The following NSUN7 variants were observed in gnomAD, a reference collection of about 807,000 sequenced individuals.
NSUN7 encodes NOP2/Sun RNA methyltransferase family member 7, also known as protein NSUN7.
In NSUN7, 39 loss-of-function variants were observed where a neutral mutation model predicts 58.5. That is an observed-to-expected ratio of 0.67 (90% CI 0.52 to 0.87). NSUN7 has a LOEUF of 0.87. Among genes scored for constraint, NSUN7 ranks in the 40% least tolerant of loss-of-function variants. The probability of loss-of-function intolerance (pLI) is 0.00; values close to 1 mark genes in which losing one functional copy is unlikely to be tolerated. For synonymous variants in NSUN7, 278 were observed against 303.7 expected (o/e 0.92, Z 0.88); for missense variants, 765 against 844.1 (o/e 0.91, Z 1.16).
intron 2 of NSUN7, 86 bp downstream of exon 2, chr4:40,751,077 C>T: frequency 6.9e-7 from 1 of 1,456,776 alleles, no homozygotes; most frequent in East Asian, 2.3e-5. Flanking sequence ...CCTCCCTTCC[C>T]CTCATTCACA....
At chr4:40,777,525 A>G (rs1202105865) in intron 7 of NSUN7, among the ~76,000 whole-genome samples, 1 of 152,090 alleles carries the variant, frequency 6.6e-6, no homozygotes, top group Non-Finnish European at 1.5e-5. Flanking sequence ...CATGTTGGCC[A>G]GGCTGGTCTC....
Position 40,810,992 on chromosome 4 carries a change from C to CAA in NSUN7, c.*2054_*2055dup, listed in dbSNP as rs954625841. The stretch of plus-strand genomic sequence containing the variant: ...TAGCTGGTCTTGAGATTTTTATTTT[C>CAA]AAGTGTATTTTCTGTGATGTTGTCT... On this transcript the variant is annotated 3_prime_UTR_variant, in exon 12 of 12. Coordinates refer to ENST00000381782, the MANE Select transcript of NSUN7 (RefSeq NM_024677.6). 6.6e-6 allele frequency: 1 copy of CAA among 152,116 alleles called. No homozygotes were observed. Among genetic ancestry groups the CAA allele is most frequent in the Non-Finnish European group, 1.5e-5 (1 of 68,022 alleles). 9.4% of individuals were successfully genotyped at this position (152,116 alleles called of 1,614,324 possible).
chr4:40,780,792 C>T (rs200538905), intron 7 of NSUN7, among the ~76,000 whole-genome samples: 75 of 98,752 alleles, frequency 7.6e-4, no homozygotes, highest in African/African-American at 1.8e-3. Flanking sequence ...CACACATACA[C>T]ATATATATAT....
At chr4:40,791,615 G>A (rs1020258769) in intron 8 of NSUN7, among the ~76,000 whole-genome samples, 1 of 152,034 alleles carries the variant, frequency 6.6e-6, no homozygotes, top group East Asian at 1.9e-4. Context: ...TGAAACTTAT[G>A]CTTATCCCTT....
At chr4:40,758,692 A>G (rs959947858) in intron 2 of NSUN7, among the ~76,000 whole-genome samples, 7 of 152,022 alleles carry the variant, frequency 4.6e-5, no homozygotes, top group African/African-American at 1.7e-4. Flanking sequence ...TTTAAAAAAC[A>G]AAAAATAAAA....
chr4:40,769,640 A>G (rs1014486747), intron 4 of NSUN7, among the ~76,000 whole-genome samples: 9 of 152,216 alleles, frequency 5.9e-5, no homozygotes, highest in Non-Finnish European at 1.3e-4. Flanking sequence ...TAAACCAGCC[A>G]TGCATTTTTG....
intron 5 of NSUN7, 120 bp downstream of exon 5, chr4:40,774,537 C>CAA: frequency 1.0e-6 from 1 of 979,450 alleles, no homozygotes; most frequent in Non-Finnish European, 1.5e-6. Context: ...ATTAGGGAAT[C>CAA]AGAGTTAAGT....
intron 5 of NSUN7, 39 bp from the exon 6 acceptor site, chr4:40,774,728 T>A (rs1463988267): frequency 7.9e-7 from 1 of 1,272,848 alleles, no homozygotes; most frequent in East Asian, 2.4e-5. Flanking sequence ...TTTTAATGTA[T>A]TATATTTGTA....
chr4:40,771,157 A>G (rs1560551105), intron 4 of NSUN7, among the ~76,000 whole-genome samples: 2 of 152,232 alleles, frequency 1.3e-5, no homozygotes, highest in Non-Finnish European at 2.9e-5. Flanking sequence ...TTATGGAAGA[A>G]TTGAACATGA....
chr4:40,771,841 A>G (rs1742027744), intron 4 of NSUN7, among the ~76,000 whole-genome samples: 1 of 151,432 alleles, frequency 6.6e-6, no homozygotes, highest in Admixed American at 6.6e-5. Flanking sequence ...GCTCTCTGTG[A>G]TAACATACAA....
rs1226329510 is a variant in NSUN7, at chr4:40,810,682, C to CATG, written c.*1744_*1746dup. On this transcript the variant is annotated 3_prime_UTR_variant, in exon 12 of 12. Coordinates refer to ENST00000381782, the MANE Select transcript of NSUN7 (RefSeq NM_024677.6). ...TTTAAATCCCTGAAGAAGAATTCTT[C>CATG]ATGTTATCACTCTTGTACAGAAAGA... is the stretch of plus-strand genomic sequence containing the variant. 6.6e-6 allele frequency: 1 copy of CATG among 150,876 alleles called. No homozygotes were observed. Among genetic ancestry groups the CATG allele is most frequent in the African/African-American group, 2.4e-5 (1 of 41,006 alleles). 9.3% of individuals were successfully genotyped at this position (150,876 alleles called of 1,614,324 possible). A position where few individuals can be genotyped will look rare whatever the true frequency, so the allele number is the denominator to read the frequency against.
In NSUN7 at chr4:40,808,773, A is replaced by C. The variant is rs749642247; in HGVS notation, c.1991A>C (p.Gln664Pro). ...PPVFMPFSSP[Q>P]GIRSRMPTQH... ...GTCTTTATGCCATTTTCAAGTCCCC[A>C]AGGGATCAGATCTCGGATGCCAACT... The change falls in exon 12 of 12, where the codon CAA becomes CCA. Residue 664 changes from glutamine (Q) to proline (P), a missense_variant. Transcript: ENST00000381782. The C allele has an allele frequency of 6.5e-7, 1 of 1,548,964 alleles. No individual in the cohort carries two copies. The highest frequency in any genetic ancestry group is 8.7e-7 in the Non-Finnish European group (1 of 1,146,408).
Position 40,775,336 on chromosome 4 carries a change from T to C in NSUN7, c.825+386T>C, listed in dbSNP as rs1742214323. On this transcript the variant is annotated intron_variant, in intron 6 of 11. Coordinates refer to ENST00000381782, the MANE Select transcript of NSUN7 (RefSeq NM_024677.6). This position sits in a 1 kb window ranked among gnomAD's most constrained non-coding sequence, Gnocchi z 4.3. ...ATATGAAAAAACAATTGTAATAGTT[T>C]TTCATAATTTCTTTAATATAGTCTT... 1 of 154,148 alleles carries C rather than the reference T, an allele frequency of 6.5e-6. No individual in the cohort carries two copies. The highest frequency in any genetic ancestry group is 6.5e-5 in the Admixed American group (1 of 15,392). 9.5% of individuals were successfully genotyped at this position (154,148 alleles called of 1,614,324 possible).
At chr4:40,751,035 T>C (rs775394038) in intron 2 of NSUN7, 44 bp downstream of exon 2, 1 of 1,590,976 alleles carries the variant, frequency 6.3e-7, no homozygotes, top group Non-Finnish European at 8.6e-7. Flanking sequence ...AAGAAAATAA[T>C]AGCGAGAGAA....
Position 40,776,264 on chromosome 4 carries a change from G to T in NSUN7, c.1036+5G>T. ...TCACAAAAATAGGATGTAAAAGTAT[G>T]TAAAAATATTTCTTCATTTGGTGAT... On this transcript the variant is annotated splice_donor_5th_base_variant and intron_variant, in intron 7 of 11. Transcript: ENST00000381782. 6.4e-7 allele frequency: 1 copy of T among 1,551,932 alleles called. No homozygotes were observed. Among genetic ancestry groups the T allele is most frequent in the South Asian group, 1.2e-5 (1 of 85,120 alleles).
intron 11 of NSUN7, 152 bp from the exon 12 acceptor site, chr4:40,808,155 T>G: frequency 1.7e-4 from 134 of 775,414 alleles, no homozygotes; most frequent in Middle Eastern, 4.0e-4. Context: ...CTGAGGCTTA[T>G]GAGATTGGGG....
chr4:40,807,880 A>G (rs956484135), intron 11 of NSUN7, among the ~76,000 whole-genome samples: 2 of 152,008 alleles, frequency 1.3e-5, no homozygotes, highest in African/African-American at 4.8e-5. Flanking sequence ...ATCTCTACTA[A>G]AATACAAAAA....
intron 6 of NSUN7, 43 bp from the exon 7 acceptor site, chr4:40,776,006 T>C: frequency 8.0e-7 from 1 of 1,253,820 alleles, no homozygotes; most frequent in Non-Finnish European, 1.1e-6. Flanking sequence ...CTTATATTTC[T>C]AGCCATACCC....
At position 40,761,206 on chromosome 4, in the gene NSUN7, A is replaced by T; in HGVS notation, c.393A>T (p.Leu131=). ...TGAGCAGTCTTATTATTGTGATGCT[A>T]TATGATTTCCAAGATAGAAAATTTC... The part of the protein sequence containing the change: ...DHLSSLIIVM[L]YDFQDRKFQT... The change falls in exon 4 of 12, where the codon CTA becomes CTT. Residue 131 remains leucine, a synonymous_variant. Coordinates refer to ENST00000381782, the MANE Select transcript of NSUN7 (RefSeq NM_024677.6). The T allele has an allele frequency of 6.3e-7, 1 of 1,585,638 alleles. No homozygotes were observed.
Sources: gnomAD v4.1 joint callset for allele counts (sites outside exome capture counted in the v4.1 genomes callset) on GRCh38, gnomAD v4.1.1 for gene constraint, Gnocchi (gnomAD v3.1) non-coding constraint, MANE v1.5 for transcripts, NCBI Gene and HGNC (gene_info 2026-07-23, HGNC 2026-07-21) for gene names.